The following ROBO1 variants were observed in gnomAD, a reference collection of about 807,000 sequenced individuals.
ROBO1 encodes roundabout guidance receptor 1, also known as roundabout homolog 1.
ROBO1 carries 149 observed loss-of-function variants against 195.9 expected under a neutral mutation model. The observed-to-expected ratio is 0.76, with a 90% CI of 0.67 to 0.87. ROBO1 has a LOEUF of 0.87. ROBO1 is among the 40% of genes least tolerant of loss of function. The pLI is 0.00. For missense variants in ROBO1, 1,933 were observed against 2,068.3 expected, an observed-to-expected ratio of 0.93 and a Z score of 1.27; for synonymous variants, 816 against 733.2, an observed-to-expected ratio of 1.11 and a Z score of -1.82.
intron 2 of ROBO1, among the ~76,000 whole-genome samples, chr3:79,411,273 C>T (rs2106856573): frequency 6.6e-6 from 1 of 152,264 alleles, no homozygotes; most frequent in East Asian, 1.9e-4. Flanking sequence ...TGTCCTGTAA[C>T]ACATGAGACA....
intron 3 of ROBO1, among the ~76,000 whole-genome samples, chr3:78,966,901 C>T (rs1480112790): frequency 6.6e-6 from 1 of 152,140 alleles, no homozygotes; most frequent in East Asian, 1.9e-4. Context: ...CAGCTTTAAA[C>T]CCATATCCTA....
At chr3:79,228,987 T>C (rs2082274195) in intron 2 of ROBO1, among the ~76,000 whole-genome samples, 1 of 152,148 alleles carries the variant, frequency 6.6e-6, no homozygotes, top group Non-Finnish European at 1.5e-5. Flanking sequence ...GTAAAGATGG[T>C]CTAGTTAGTA....
In ROBO1 at chr3:78,852,873, T is replaced by C. The variant is rs567122767; in HGVS notation, c.499+85728A>G. On this transcript the variant is annotated intron_variant, in intron 4 of 30. Coordinates refer to ENST00000464233, the MANE Select transcript of ROBO1 (RefSeq NM_002941.4). ...GCTAAGAAAAGACAAATGGTAGTGA[T>C]GTATTGTGAGCTATTTGGCCAACAG... Among the ~76,000 whole-genome samples, 50 of 152,318 alleles carry C rather than the reference T, an allele frequency of 3.3e-4. No homozygotes were observed. In the South Asian group the frequency reaches 8.5e-3, roughly 26 times the overall value.
At chr3:78,889,172 C>T (rs534710147) in intron 4 of ROBO1, among the ~76,000 whole-genome samples, 4 of 152,202 alleles carry the variant, frequency 2.6e-5, no homozygotes, top group South Asian at 2.1e-4. Context: ...TGTGTTGATG[C>T]TTTGGTAAAA....
intron 2 of ROBO1, among the ~76,000 whole-genome samples, chr3:79,439,173 A>G (rs2038978189): frequency 6.6e-6 from 1 of 152,104 alleles, no homozygotes; most frequent in Admixed American, 6.6e-5. Context: ...TAATACCACT[A>G]ATAAATATAT....
chr3:79,558,353 G>A (rs1374920628), intron 2 of ROBO1, among the ~76,000 whole-genome samples: 4 of 152,046 alleles, frequency 2.6e-5, no homozygotes, highest in Non-Finnish European at 5.9e-5. Context: ...CAGTAAATAT[G>A]TTTTTTTCTT....
intron 2 of ROBO1, among the ~76,000 whole-genome samples, chr3:79,161,059 T>C (rs2080952661): frequency 6.6e-6 from 1 of 152,040 alleles, no homozygotes; most frequent in Non-Finnish European, 1.5e-5. Context: ...CAAGGTATTT[T>C]GGTAATCAAA....
chr3:79,385,547 G>T (rs961152412), intron 2 of ROBO1, among the ~76,000 whole-genome samples: 1 of 151,984 alleles, frequency 6.6e-6, no homozygotes, highest in South Asian at 2.1e-4. Flanking sequence ...TCCTAAAGGC[G>T]ACATAAAGCT....
chr3:79,671,516 T>C (rs560881392), intron 1 of ROBO1, among the ~76,000 whole-genome samples: 1 of 152,044 alleles, frequency 6.6e-6, no homozygotes, highest in African/African-American at 2.4e-5. Context: ...AAATAGTGTA[T>C]ACTGTATATA....
chr3:79,241,030 TGAAA>T lies in ROBO1; in HGVS notation c.89-115495_89-115492del, dbSNP rs1169722931. On this transcript the variant is annotated intron_variant, in intron 2 of 30. Coordinates refer to ENST00000464233, the MANE Select transcript of ROBO1 (RefSeq NM_002941.4). Reference sequence around the variant, plus strand: ...TGCAAAATAATGTTCTTCTGACAAATGAAAGAAATATTTTTGTTAACTTTTGCAA... The same window carrying T: ...TGCAAAATAATGTTCTTCTGACAAATGAAATATTTTTGTTAACTTTTGCAA... Among the ~76,000 whole-genome samples the T allele has an allele frequency of 9.2e-5, 14 of 152,280 alleles. No homozygotes were observed. In the East Asian group the frequency reaches 1.9e-3, roughly 21 times the overall value.
intron 27 of ROBO1, 87 bp downstream of exon 27, chr3:78,617,548 G>T: frequency 2.3e-6 from 3 of 1,325,852 alleles, no homozygotes; most frequent in Non-Finnish European, 3.1e-6. Flanking sequence ...TTTTCAAATA[G>T]GACGTAAGAT....
intron 10 of ROBO1, among the ~76,000 whole-genome samples, chr3:78,677,647 A>T (rs1708520658): frequency 6.6e-6 from 1 of 151,822 alleles, no homozygotes; most frequent in South Asian, 2.1e-4. Context: ...ATATGCACCC[A>T]ATACAGGAGC....
chr3:79,376,097 T>G (rs1297777573), intron 2 of ROBO1, among the ~76,000 whole-genome samples: 1 of 152,220 alleles, frequency 6.6e-6, no homozygotes, highest in Non-Finnish European at 1.5e-5. Context: ...GTGAATATAT[T>G]GCTGCATTAT....
At chr3:79,231,110 A>C (rs1195142564) in intron 2 of ROBO1, among the ~76,000 whole-genome samples, 1 of 152,170 alleles carries the variant, frequency 6.6e-6, no homozygotes, top group Non-Finnish European at 1.5e-5. Context: ...CTGGAAGTAT[A>C]ACAACTCTGG....
chr3:79,650,678 A>G (rs1244766926), intron 1 of ROBO1, among the ~76,000 whole-genome samples: 1 of 151,888 alleles, frequency 6.6e-6, no homozygotes, highest in Non-Finnish European at 1.5e-5. Flanking sequence ...AATACCATAA[A>G]TAATGAAATA....
At chr3:78,726,511 G>A (rs535440594) in intron 5 of ROBO1, among the ~76,000 whole-genome samples, 191 of 152,178 alleles carry the variant, frequency 1.3e-3, no homozygotes, top group African/African-American at 4.4e-3. Flanking sequence ...CCACCAACCC[G>A]TTTTCATACT....
At chr3:79,034,119 C>A (rs1020187888) in intron 3 of ROBO1, among the ~76,000 whole-genome samples, 3 of 152,176 alleles carry the variant, frequency 2.0e-5, no homozygotes, top group African/African-American at 4.8e-5. Context: ...TCTCTTGAGG[C>A]CTTTGGTTCT....
intron 3 of ROBO1, among the ~76,000 whole-genome samples, chr3:78,949,489 A>G (rs1396925304): frequency 6.6e-6 from 1 of 152,102 alleles, no homozygotes; most frequent in Non-Finnish European, 1.5e-5. Flanking sequence ...TCCCTTCCTT[A>G]CATCTTATAC....
intron 3 of ROBO1, among the ~76,000 whole-genome samples, chr3:79,088,594 T>C (rs2079418686): frequency 6.6e-6 from 1 of 152,140 alleles, no homozygotes; most frequent in African/African-American, 2.4e-5. Context: ...TAACTCTGAT[T>C]AACTTTCTTT....
Sources: gnomAD v4.1 joint callset for allele counts (sites outside exome capture counted in the v4.1 genomes callset) on GRCh38, gnomAD v4.1.1 for gene constraint, MANE v1.5 for transcripts, NCBI Gene and HGNC (gene_info 2026-07-23, HGNC 2026-07-21) for gene names.